Variants in TACC2 observed in about 807,000 individuals in gnomAD.
TACC2 encodes transforming acidic coiled-coil-containing protein 2.
Under a neutral mutation model 227.3 loss-of-function variants are expected in TACC2, and 137 were observed. The ratio of observed to expected loss-of-function variants is 0.60; its 90% CI spans 0.52 to 0.69. The LOEUF (loss-of-function observed/expected upper bound fraction) is 0.69. TACC2 is among the 30% of genes least tolerant of loss of function. The pLI, the probability that TACC2 is intolerant of heterozygous loss-of-function variation, is 0.00. For synonymous variants in TACC2, 1,523 were observed against 1,487.5 expected, an observed-to-expected ratio of 1.02 and a Z score of -0.55; for missense variants, 3,470 against 3,694.4, an observed-to-expected ratio of 0.94 and a Z score of 1.57.
intron 5 of TACC2, among the ~76,000 whole-genome samples, chr10:122,106,683 T>G (rs1406295293): frequency 6.6e-6 from 1 of 152,252 alleles, no homozygotes; most frequent in African/African-American, 2.4e-5. Context: ...AGGTTTAGTA[T>G]CTACCATATG....
chr10:122,141,419 A>G lies in TACC2; in HGVS notation c.5700-2153A>G, dbSNP rs1396296122. 6.6e-6 allele frequency among the ~76,000 whole-genome samples: 1 copy of G among 152,090 alleles called. No individual in the cohort carries two copies. The highest frequency in any genetic ancestry group is 2.4e-5 in the African/African-American group (1 of 41,418). On this transcript the variant is annotated intron_variant, in intron 6 of 22. Coordinates refer to ENST00000369005, the MANE Select transcript of TACC2 (RefSeq NM_206862.4). The surrounding 1 kb of genome is among the most constrained non-coding windows in gnomAD (Gnocchi z 4.3). ...CTAACGGGACCCAGCCAGCGCAGGA[A>G]GGGTGTGGCCATGGCAGTTGGGACC... is the stretch of plus-strand genomic sequence containing the variant.
intron 1 of TACC2, among the ~76,000 whole-genome samples, chr10:122,000,441 C>A (rs907822903): frequency 3.9e-5 from 6 of 152,164 alleles, no homozygotes; most frequent in African/African-American, 1.4e-4. Context: ...AAATTACTGG[C>A]AGATTGCTCG....
Position 122,210,768 on chromosome 10 carries a change from A to T in TACC2, c.6343A>T (p.Thr2115Ser). 1 of 1,613,946 alleles carries T rather than the reference A, an allele frequency of 6.2e-7. No homozygotes were observed. The highest frequency in any genetic ancestry group is 1.3e-5 in the African/African-American group (1 of 74,998). Residue 2115 changes from threonine (T) to serine (S), a missense_variant, in exon 9 of 23, where the codon ACG (threonine) becomes TCG (serine). Thr to Ser is a moderately conservative substitution (Grantham distance 58). This residue lies in a region of TACC2 where 593 missense variants were observed against 636.6 expected (regional missense o/e 0.93). Transcript: ENST00000369005. This position sits in a 1 kb window ranked among gnomAD's most constrained non-coding sequence, Gnocchi z 4.6. ...GGCCCTTGCCCCAGATGCATATAGC[A>T]CGGGTTCCAGCAGTGCTTCTAGTAC... Reference protein sequence around the residue: ...AVALAPDAYSTGSSSASSTLK... With the variant: ...AVALAPDAYSSGSSSASSTLK...
At chr10:122,047,286 C>G (rs2075120425) in intron 2 of TACC2, among the ~76,000 whole-genome samples, 1 of 24,332 alleles carries the variant, frequency 4.1e-5, no homozygotes, top group Non-Finnish European at 7.4e-5. Context: ...GAGACTCCGT[C>G]TCAAAAAAAA....
intron 8 of TACC2, among the ~76,000 whole-genome samples, chr10:122,207,553 A>G (rs1477643411): frequency 6.6e-6 from 1 of 152,192 alleles, no homozygotes; most frequent in Non-Finnish European, 1.5e-5. Flanking sequence ...GGATGCTGGT[A>G]AGCATCCTAC....
chr10:122,253,397 C>T (rs1165715923), intron 22 of TACC2, among the ~76,000 whole-genome samples: 2 of 152,182 alleles, frequency 1.3e-5, no homozygotes, highest in Non-Finnish European at 2.9e-5. Context: ...CTGTGCTAGA[C>T]AAACCTGTGG....
chr10:122,109,956 G>A (rs2083387891), intron 5 of TACC2, among the ~76,000 whole-genome samples: 3 of 151,902 alleles, frequency 2.0e-5, no homozygotes, highest in Non-Finnish European at 2.9e-5. Flanking sequence ...CCTTCCCTCC[G>A]AATGAACCTC....
intron 10 of TACC2, among the ~76,000 whole-genome samples, chr10:122,216,063 A>G (rs1359038023): frequency 6.6e-6 from 1 of 152,190 alleles, no homozygotes; most frequent in Non-Finnish European, 1.5e-5. Flanking sequence ...CTGAGCCAGC[A>G]AAGCCCCAGC....
rs147621026 is a variant in TACC2, at chr10:122,244,514, G to C, written c.8392+2513G>C. On this transcript the variant is annotated intron_variant, in intron 19 of 22. Transcript: ENST00000369005. Reference sequence around the variant, plus strand: ...TCAAGGTCCTTGTGTCCTTGTGGAAGACAGCAGGGGGCTGAGGCATGGCTG... The same window carrying C: ...TCAAGGTCCTTGTGTCCTTGTGGAACACAGCAGGGGGCTGAGGCATGGCTG... Among the ~76,000 whole-genome samples the C allele has an allele frequency of 3.9e-4, 59 of 152,304 alleles. No homozygotes were observed. In the East Asian group the frequency reaches 9.1e-3, roughly 23 times the overall value.
chr10:122,037,102 G>C (rs920803299), intron 2 of TACC2, among the ~76,000 whole-genome samples: 5 of 152,190 alleles, frequency 3.3e-5, no homozygotes, highest in African/African-American at 1.2e-4. Flanking sequence ...TAAGGTTCTG[G>C]AAAAGGAACA....
At chr10:122,024,502 C>G (rs1225836148) in intron 2 of TACC2, among the ~76,000 whole-genome samples, 1 of 152,138 alleles carries the variant, frequency 6.6e-6, no homozygotes, top group Non-Finnish European at 1.5e-5. Context: ...AGACCATGCC[C>G]GTCACCAGGG....
At chr10:122,172,490 C>G (rs536055783) in intron 7 of TACC2, among the ~76,000 whole-genome samples, 38 of 152,288 alleles carry the variant, frequency 2.5e-4, no homozygotes, top group African/African-American at 8.2e-4. Context: ...TATCCAGGCC[C>G]CTGGTGGAAG....
intron 11 of TACC2, among the ~76,000 whole-genome samples, chr10:122,223,945 A>C (rs2095571753): frequency 6.6e-6 from 1 of 152,158 alleles, no homozygotes; most frequent in South Asian, 2.1e-4. Context: ...TGTATCTGCT[A>C]TGCCTGGCAC....
intron 2 of TACC2, 121 bp downstream of exon 2, chr10:122,022,135 ATG>A (rs1957411220): frequency 2.2e-6 from 2 of 929,536 alleles, no homozygotes; most frequent in Admixed American, 4.0e-5. Flanking sequence ...TTCTGCGTAG[ATG>A]TGTGCGGGCA....
chr10:122,023,467 A>T (rs1957577772), intron 2 of TACC2: 1 of 152,062 alleles, frequency 6.6e-6, no homozygotes, highest in Non-Finnish European at 1.5e-5. Context: ...ATGCAGCCAT[A>T]AAAAAGGATG....
rs959914164 is a variant in TACC2, at chr10:122,078,603, G to A, written c.147-4044G>A. ...CCCAGAGGGTGAAAGGCTTCCATTC[G>A]GGGTGCTGGCCTGCGGATTCTGAGC... On this transcript the variant is annotated intron_variant, in intron 3 of 22. Transcript: ENST00000369005. Among the ~76,000 whole-genome samples the A allele has an allele frequency of 1.1e-4, 17 of 152,318 alleles. No individual in the cohort carries two copies. In the South Asian group the frequency reaches 1.5e-3, roughly 13 times the overall value.
At chr10:122,101,262 T>A (rs1358305089) in intron 5 of TACC2, among the ~76,000 whole-genome samples, 1 of 152,092 alleles carries the variant, frequency 6.6e-6, no homozygotes, top group Non-Finnish European at 1.5e-5. Flanking sequence ...GAGGATTCAG[T>A]GAAATAGTGC....
chr10:122,040,287 G>A (rs962864315), intron 2 of TACC2, among the ~76,000 whole-genome samples: 2 of 152,182 alleles, frequency 1.3e-5, no homozygotes, highest in Non-Finnish European at 2.9e-5. Context: ...TCCCGGGAGT[G>A]TCAGGGTCCT....
chr10:122,033,498 G>T (rs1195192926), intron 2 of TACC2, among the ~76,000 whole-genome samples: 3 of 152,140 alleles, frequency 2.0e-5, no homozygotes, highest in Non-Finnish European at 4.4e-5. Flanking sequence ...GATTTCCTTT[G>T]TCTGCAAGTG....
Sources: gnomAD v4.1 joint callset for allele counts (sites outside exome capture counted in the v4.1 genomes callset) on GRCh38, gnomAD v4.1.1 for gene constraint, gnomAD v4.1.1 regional missense constraint, Gnocchi (gnomAD v3.1) non-coding constraint, MANE v1.5 for transcripts, NCBI Gene and HGNC (gene_info 2026-07-23, HGNC 2026-07-21) for gene names.